TRAF2: variants seen among roughly 807,000 people sequenced by gnomAD.
The protein encoded by TRAF2 is TNF receptor associated factor 2, also known as TNF receptor-associated factor 2.
Under a neutral mutation model 55.6 loss-of-function variants are expected in TRAF2, and 6 were observed. The ratio of observed to expected loss-of-function variants is 0.11; its 90% CI spans 0.06 to 0.21. TRAF2 has a LOEUF of 0.21. Ranked by LOEUF, TRAF2 falls within the 10% of genes least tolerant of loss-of-function variation. TRAF2 has a pLI of 1.00. For synonymous variants in TRAF2, 329 were observed against 276.3 expected, an observed-to-expected ratio of 1.19 and a Z score of -1.89; for missense variants, 561 against 684.5, an observed-to-expected ratio of 0.82 and a Z score of 2.01.
At position 136,907,939 on chromosome 9, in the gene TRAF2, C is replaced by T. The variant is rs141838190; in HGVS notation, c.367-131C>T. 331 of 1,166,420 alleles carry T rather than the reference C, an allele frequency of 2.8e-4. No homozygotes were observed. In the East Asian group the frequency reaches 7.4e-3, roughly 26 times the overall value. 72.3% of individuals were successfully genotyped at this position (1,166,420 alleles called of 1,614,324 possible). On this transcript the variant is annotated intron_variant, in intron 4 of 10. Transcript: ENST00000247668. ...CTGTGGGAGCCCTGAGAGCTATCTG[C>T]AGAGGGCGGCCCCCAGGACCAGCAT...
At chr9:136,901,482 A>G (rs1455678032) in intron 4 of TRAF2, among the ~76,000 whole-genome samples, 7 of 152,218 alleles carry the variant, frequency 4.6e-5, no homozygotes, top group African/African-American at 1.7e-4. Context: ...CTCTGAGGAC[A>G]GTGTGCTGAG....
At chr9:136,908,606 C>A (rs961325887) in intron 5 of TRAF2, among the ~76,000 whole-genome samples, 1 of 152,088 alleles carries the variant, frequency 6.6e-6, no homozygotes, top group Admixed American at 6.5e-5. Flanking sequence ...GCGGTTCATG[C>A]CTGTAATCCC....
chr9:136,903,696 T>C (rs1849877754), intron 4 of TRAF2, among the ~76,000 whole-genome samples: 1 of 152,056 alleles, frequency 6.6e-6, no homozygotes, highest in Non-Finnish European at 1.5e-5. Flanking sequence ...GTTTGTTGTT[T>C]TTTGCGATGG....
At chr9:136,888,990 C>T (rs1160145479) in intron 1 of TRAF2, among the ~76,000 whole-genome samples, 3 of 151,764 alleles carry the variant, frequency 2.0e-5, no homozygotes, top group East Asian at 2.0e-4. Context: ...CTCAGCCTCC[C>T]GAGTAGCTGG....
chr9:136,911,925 C>A (rs1850119568), intron 6 of TRAF2, among the ~76,000 whole-genome samples: 1 of 138,002 alleles, frequency 7.2e-6, no homozygotes. Context: ...TCTCGGTTCA[C>A]TGCAAGCTCC....
chr9:136,923,816 G>C, intron 9 of TRAF2, 36 bp from the exon 10 acceptor site: 1 of 1,607,684 alleles, frequency 6.2e-7, no homozygotes, highest in Non-Finnish European at 8.5e-7. Context: ...CCCTTGCTGA[G>C]TGTCAGCTCA....
intron 9 of TRAF2, among the ~76,000 whole-genome samples, chr9:136,923,198 G>A (rs2131335360): frequency 6.6e-6 from 1 of 152,278 alleles, no homozygotes; most frequent in East Asian, 1.9e-4. Context: ...CTAAGCCCTG[G>A]GCCGGTCAGG....
chr9:136,913,253 T>A (rs961549632), intron 6 of TRAF2, among the ~76,000 whole-genome samples: 1 of 151,462 alleles, frequency 6.6e-6, no homozygotes, highest in Non-Finnish European at 1.5e-5. Flanking sequence ...GTACATCTTA[T>A]GAAGATGTGG....
At chr9:136,885,903 G>A (rs955052076), upstream of TRAF2, among the ~76,000 whole-genome samples, 7 of 152,388 alleles carry the variant, frequency 4.6e-5, no homozygotes, top group South Asian at 1.2e-3. Context: ...CCTTACTTAA[G>A]TGTGCAGTAT....
At chr9:136,889,134 T>C (rs1344777657) in intron 1 of TRAF2, among the ~76,000 whole-genome samples, 3 of 152,138 alleles carry the variant, frequency 2.0e-5, no homozygotes, top group Non-Finnish European at 4.4e-5. Flanking sequence ...GTGCTGGGAT[T>C]ACAGGTGTGA....
At position 136,899,594 on chromosome 9, in the gene TRAF2, C is replaced by G; in HGVS notation, c.189C>G (p.Ser63Arg). 5 of 1,608,640 alleles carry G rather than the reference C, an allele frequency of 3.1e-6. No individual in the cohort carries two copies. The highest frequency in any genetic ancestry group is 4.2e-6 in the Non-Finnish European group (5 of 1,176,560). The change falls in exon 3 of 11, where the codon AGC (serine) becomes AGG (arginine). Residue 63 changes from serine to arginine, a missense_variant and splice_region_variant. Transcript: ENST00000247668. ...GTTTTTTGCCTTTTTTCCCCACTAG[C>G]TCTGGGCCTCAGAACTGTGCTGCCT... ...YCSFCLASILSSGPQNCAACV... is the reference protein window; with the variant it reads ...YCSFCLASILRSGPQNCAACV...
rs1361715217 is a variant in TRAF2, at chr9:136,925,986, C to CTG, written c.*87_*88dup. On this transcript the variant is annotated 3_prime_UTR_variant, in exon 11 of 11. Coordinates refer to ENST00000247668, the MANE Select transcript of TRAF2 (RefSeq NM_021138.4). ...GCCACCACGCTGGGCCAGGGTCTCACTGTACAAGTGGGCAGGGGCCGCGCT... is the reference window on the plus strand; with the variant it reads ...GCCACCACGCTGGGCCAGGGTCTCACTGTGTACAAGTGGGCAGGGGCCGCGCT... 1 of 1,531,782 alleles carries CTG rather than the reference C, an allele frequency of 6.5e-7. No homozygotes were observed. Among genetic ancestry groups the CTG allele is most frequent in the Non-Finnish European group, 9.0e-7 (1 of 1,114,032 alleles). The allele number at this position is 1,531,782 out of a possible 1,614,324, so 94.9% of individuals were successfully genotyped here.
chr9:136,899,578 C>CACAGTGGGTTG lies in TRAF2; in HGVS notation c.189-16_189-15insACAGTGGGTTG. 6.3e-7 allele frequency: 1 copy of CACAGTGGGTTG among 1,593,858 alleles called. No homozygotes were observed. Among genetic ancestry groups the CACAGTGGGTTG allele is most frequent in the Non-Finnish European group, 8.6e-7 (1 of 1,169,546 alleles). ...GGTTTCACAGTGGGTTGTTTTTTGC[C>CACAGTGGGTTG]TTTTTTCCCCACTAGCTCTGGGCCT... On this transcript the variant is annotated splice_polypyrimidine_tract_variant and intron_variant, in intron 2 of 10. Transcript: ENST00000247668.
At chr9:136,889,149 C>T (rs1223003017) in intron 1 of TRAF2, among the ~76,000 whole-genome samples, 1 of 152,000 alleles carries the variant, frequency 6.6e-6, no homozygotes, top group African/African-American at 2.4e-5. Flanking sequence ...GTGTGAGCCA[C>T]CACTGAGGGG....
At chr9:136,906,406 G>A (rs1032119009) in intron 4 of TRAF2, among the ~76,000 whole-genome samples, 3 of 152,108 alleles carry the variant, frequency 2.0e-5, no homozygotes, top group African/African-American at 4.8e-5. Flanking sequence ...AGAAAGGCAC[G>A]TCTCACATGG....
chr9:136,898,537 A>T (rs1353978556), intron 1 of TRAF2, 176 bp from the exon 2 acceptor site: 1 of 972,108 alleles, frequency 1.0e-6, no homozygotes, highest in Non-Finnish European at 1.2e-6. Flanking sequence ...GGGAGATGGG[A>T]CTAGAGGGTC....
At chr9:136,903,255 C>T (rs963948458) in intron 4 of TRAF2, among the ~76,000 whole-genome samples, 18 of 152,150 alleles carry the variant, frequency 1.2e-4, no homozygotes, top group Admixed American at 9.8e-4. Context: ...CTGGCCAAAT[C>T]GAATAATTTT....
At chr9:136,900,302 G>C in intron 3 of TRAF2, 120 bp from the exon 4 acceptor site, 2 of 610,334 alleles carry the variant, frequency 3.3e-6, no homozygotes, top group Non-Finnish European at 5.7e-6. Context: ...TCTGCTCCTG[G>C]AGTGGCCTGG....
chr9:136,919,149 C>G (rs1564420054), intron 7 of TRAF2, among the ~76,000 whole-genome samples: 1 of 151,756 alleles, frequency 6.6e-6, no homozygotes, highest in Admixed American at 6.6e-5. Flanking sequence ...CAGCCTCCCT[C>G]TCCTGGGTTC....
Sources: allele counts gnomAD v4.1 joint callset (sites outside exome capture counted in the v4.1 genomes callset), GRCh38; gene constraint gnomAD v4.1.1; transcripts MANE v1.5; gene names NCBI Gene and HGNC (gene_info 2026-07-23, HGNC 2026-07-21).